The following TENM3 variants were observed in gnomAD, a reference collection of about 807,000 sequenced individuals.
The protein encoded by TENM3 is teneurin-3.
Under a neutral mutation model 255.1 loss-of-function variants are expected in TENM3, and 63 were observed. That is an observed-to-expected ratio of 0.25 (90% CI 0.20 to 0.30). The LOEUF (loss-of-function observed/expected upper bound fraction) is 0.30, where lower values mean the gene tolerates loss of function less well. Among genes scored for constraint, TENM3 ranks in the 10% least tolerant of loss-of-function variants. The probability of loss-of-function intolerance (pLI) is 1.00; values close to 1 mark genes in which losing one functional copy is unlikely to be tolerated. For synonymous variants in TENM3, 1,306 were observed against 1,322.3 expected, an observed-to-expected ratio of 0.99 and a Z score of 0.27; for missense variants, 2,929 against 3,461.1, an observed-to-expected ratio of 0.85 and a Z score of 3.86.
chr4:182,732,973 T>C (rs1190653793), intron 16 of TENM3, among the ~76,000 whole-genome samples: 1 of 152,234 alleles, frequency 6.6e-6, no homozygotes. Context: ...GGCGCTGTTA[T>C]GTGAGAACAA....
chr4:181,890,721 C>T, the TENM3 span, among the ~76,000 whole-genome samples: 17 of 152,218 alleles, frequency 1.1e-4, no homozygotes, highest in Non-Finnish European at 2.4e-4. Context: ...ATTATTTTTA[C>T]TTAAAGGGGC....
At chr4:182,768,359 A>C (rs1206555602) in intron 22 of TENM3, among the ~76,000 whole-genome samples, 1 of 152,208 alleles carries the variant, frequency 6.6e-6, no homozygotes, top group African/African-American at 2.4e-5. Context: ...TAAATTTGCA[A>C]CATCAATAGG....
chr4:182,241,932 G>A (rs1002127730), upstream of TENM3, among the ~76,000 whole-genome samples: 2 of 151,344 alleles, frequency 1.3e-5, no homozygotes, highest in African/African-American at 4.9e-5. Flanking sequence ...GAAGCCAGTG[G>A]ACCCTTTTCA....
At chr4:182,006,860 C>T in the TENM3 span, among the ~76,000 whole-genome samples, 4,448 of 152,160 alleles carry the variant, frequency 0.029, 206 homozygotes, top group African/African-American at 0.1. Context: ...CTTCTGTGGG[C>T]ATTTAGTACT....
chr4:181,612,797 G>A, the TENM3 span, among the ~76,000 whole-genome samples: 1 of 152,010 alleles, frequency 6.6e-6, no homozygotes, highest in Non-Finnish European at 1.5e-5. Flanking sequence ...TTGAGGCCTA[G>A]ACAACCTACA....
At chr4:181,486,574 G>C in the TENM3 span, among the ~76,000 whole-genome samples, 3 of 152,172 alleles carry the variant, frequency 2.0e-5, no homozygotes, top group African/African-American at 7.2e-5. Flanking sequence ...AATAGGACAA[G>C]TTAGGTCTTT....
the TENM3 span, among the ~76,000 whole-genome samples, chr4:181,643,454 C>T: frequency 6.6e-6 from 1 of 152,288 alleles, no homozygotes; most frequent in Admixed American, 6.5e-5. Flanking sequence ...AATTTGACTT[C>T]CTCTTTTCCT....
chr4:181,613,454 C>A, the TENM3 span, among the ~76,000 whole-genome samples: 118 of 152,258 alleles, frequency 7.7e-4, no homozygotes, highest in African/African-American at 2.7e-3. Context: ...TGCTGATTGC[C>A]TAAATTCTTC....
the TENM3 span, among the ~76,000 whole-genome samples, chr4:182,091,564 AGCACAATGG>A: frequency 6.6e-6 from 1 of 152,192 alleles, no homozygotes; most frequent in Non-Finnish European, 1.5e-5. Context: ...GAGATAAACC[AGCACAATGG>A]TGGTTTGGCC....
intron 3 of TENM3, among the ~76,000 whole-genome samples, chr4:182,388,362 A>G (rs1015481895): frequency 6.6e-6 from 1 of 152,214 alleles, no homozygotes; most frequent in Non-Finnish European, 1.5e-5. Flanking sequence ...AAAAATAATA[A>G]TATAATAAAC....
intron 1 of TENM3, among the ~76,000 whole-genome samples, chr4:182,302,667 G>T (rs994881020): frequency 6.6e-6 from 1 of 152,150 alleles, no homozygotes; most frequent in East Asian, 1.9e-4. Flanking sequence ...TAAGGAGCGT[G>T]TGATAAATTT....
At chr4:182,784,771 A>G (rs1267397893) in intron 24 of TENM3, among the ~76,000 whole-genome samples, 2 of 152,094 alleles carry the variant, frequency 1.3e-5, no homozygotes, top group African/African-American at 2.4e-5. Context: ...CCGTTTTTTA[A>G]GCCCGTCGGA....
At chr4:182,732,921 T>C (rs1760886559) in intron 16 of TENM3, among the ~76,000 whole-genome samples, 1 of 152,190 alleles carries the variant, frequency 6.6e-6, no homozygotes, top group Middle Eastern at 3.2e-3. Flanking sequence ...AGCTTTGTCA[T>C]ATTCATTCTC....
the TENM3 span, among the ~76,000 whole-genome samples, chr4:181,790,040 T>C: frequency 6.6e-6 from 1 of 152,020 alleles, no homozygotes; most frequent in African/African-American, 2.4e-5. Flanking sequence ...GGGTCAGAAG[T>C]GTATGTGACA....
chr4:182,791,445 C>G (rs1167404598), intron 25 of TENM3, among the ~76,000 whole-genome samples: 1 of 152,212 alleles, frequency 6.6e-6, no homozygotes, highest in African/African-American at 2.4e-5. Flanking sequence ...GGCCTAGTAA[C>G]TGTCATTTGT....
intron 3 of TENM3, among the ~76,000 whole-genome samples, chr4:182,463,831 C>T (rs1732311498): frequency 6.6e-6 from 1 of 152,170 alleles, no homozygotes; most frequent in Admixed American, 6.5e-5. Flanking sequence ...CCATGTTGGT[C>T]AGGCTGGTCT....
intron 6 of TENM3, among the ~76,000 whole-genome samples, chr4:182,664,179 C>T (rs904240382): frequency 8.5e-5 from 13 of 152,184 alleles, no homozygotes; most frequent in Non-Finnish European, 1.2e-4. Flanking sequence ...GCAAGTCTAT[C>T]GGCACCATTT....
At chr4:182,278,105 G>A (rs1367467515) in intron 1 of TENM3, among the ~76,000 whole-genome samples, 3 of 152,150 alleles carry the variant, frequency 2.0e-5, no homozygotes, top group Non-Finnish European at 2.9e-5. Context: ...GGTGGCTCAC[G>A]CCTGTAATCC....
intron 1 of TENM3, among the ~76,000 whole-genome samples, chr4:182,288,434 T>G (rs978848781): frequency 2.6e-5 from 4 of 152,180 alleles, no homozygotes; most frequent in Admixed American, 6.5e-5. Flanking sequence ...TTTATCAACA[T>G]GTTTACTAGT....
Sources: allele counts gnomAD v4.1 joint callset (sites outside exome capture counted in the v4.1 genomes callset), GRCh38; gene constraint gnomAD v4.1.1; transcripts MANE v1.5; gene names NCBI Gene and HGNC (gene_info 2026-07-23, HGNC 2026-07-21).